The following MYBPC3 variants were observed in gnomAD, a reference collection of about 807,000 sequenced individuals.
The protein encoded by MYBPC3 is myosin-binding protein C, cardiac-type.
In MYBPC3, 108 loss-of-function variants were observed where a neutral mutation model predicts 159.3. That is an observed-to-expected ratio of 0.68 (90% confidence interval 0.58 to 0.80). The LOEUF (loss-of-function observed/expected upper bound fraction) is 0.80. MYBPC3 is among the 30% of genes least tolerant of loss of function. MYBPC3 has a pLI of 0.00. For synonymous variants in MYBPC3, 730 were observed against 702.0 expected (o/e 1.04, Z -0.63); for missense variants, 1,631 against 1,762.1 (o/e 0.93, Z 1.33).
Position 47,349,775 on chromosome 11 carries a change from T to A in MYBPC3, c.653A>T (p.Lys218Met), listed in dbSNP as rs730880707. 6.2e-7 allele frequency: 1 copy of A among 1,604,308 alleles called. No homozygotes were observed. Among genetic ancestry groups the A allele is most frequent in the East Asian group, 2.2e-5 (1 of 44,878 alleles). ...TCTCCACGACCCCGGTGGACCCACC[T>A]TGCTGGCGCGGTCGTAGCTGTCGTG... Reference protein sequence around the residue: ...QLHDSYDRASKVYLFELHITD... With the variant: ...QLHDSYDRASMVYLFELHITD... Residue 218 changes from lysine (K) to methionine (M), a missense_variant and splice_region_variant, in exon 5 of 35, where the codon AAG becomes ATG. Lys to Met is a moderately conservative substitution (Grantham distance 95). Transcript: ENST00000545968.
chr11:47,331,784 C>G, intron 34 of MYBPC3, 61 bp downstream of exon 34: 1 of 1,527,596 alleles, frequency 6.5e-7, no homozygotes, highest in Non-Finnish European at 8.9e-7. Flanking sequence ...GATGGCTGCC[C>G]CAGGACCAAG....
Position 47,351,655 on chromosome 11 carries a change from G to T in MYBPC3, c.26-150C>A. 1 of 1,009,932 alleles carries T rather than the reference G, an allele frequency of 9.9e-7. No homozygotes were observed. The highest frequency in any genetic ancestry group is 1.4e-6 in the Non-Finnish European group (1 of 731,434). 62.6% of individuals were successfully genotyped at this position (1,009,932 alleles called of 1,614,324 possible). Reference sequence around the variant, plus strand: ...TCTCTGAGGTAGTTGCAGTTATTCTGTTCATTTCTCAGAGGAGGACACTGA... The same window carrying T: ...TCTCTGAGGTAGTTGCAGTTATTCTTTTCATTTCTCAGAGGAGGACACTGA... On this transcript the variant is annotated intron_variant, in intron 1 of 34. Coordinates refer to ENST00000545968, the MANE Select transcript of MYBPC3 (RefSeq NM_000256.3). The surrounding 1 kb of genome is among the most constrained non-coding windows in gnomAD (Gnocchi z 4.2).
At chr11:47,350,748 G>T (rs1674189603) in intron 2 of MYBPC3, 133 bp from the exon 3 acceptor site, 4 of 1,329,256 alleles carry the variant, frequency 3.0e-6, no homozygotes, top group African/African-American at 3.1e-5. Flanking sequence ...CCCGCTGCCT[G>T]GGCCCCTCAG....
Position 47,346,074 on chromosome 11 carries a change from G to A in MYBPC3, c.1090+133C>T. On this transcript the variant is annotated intron_variant, in intron 12 of 34. Coordinates refer to ENST00000545968, the MANE Select transcript of MYBPC3 (RefSeq NM_000256.3). The surrounding 1 kb of genome is among the most constrained non-coding windows in gnomAD (Gnocchi z 5.3). ...GCCGGACTCCGCTCTTTCCATGTAT[G>A]TGGACGAGGTGGGGGGCTAACCTGT... The A allele has an allele frequency of 2.4e-6, 3 of 1,256,160 alleles. No individual in the cohort carries two copies. Among genetic ancestry groups the A allele is most frequent in the Non-Finnish European group, 3.3e-6 (3 of 921,348 alleles). The allele number at this position is 1,256,160 out of a possible 1,614,324, so 77.8% of individuals were successfully genotyped here.
chr11:47,348,902 C>A (rs1322333914), intron 5 of MYBPC3, among the ~76,000 whole-genome samples: 1 of 3,588 alleles, frequency 2.8e-4, no homozygotes, highest in Non-Finnish European at 7.6e-4. Flanking sequence ...GAGACCCTGT[C>A]TCAAATTATA....
At chr11:47,348,988 C>T (rs1165801124) in intron 5 of MYBPC3, among the ~76,000 whole-genome samples, 1 of 144,664 alleles carries the variant, frequency 6.9e-6, no homozygotes, top group African/African-American at 2.5e-5. Context: ...CTTTAGTTAA[C>T]CCATACAGAG....
Position 47,339,793 on chromosome 11 carries a change from G to A in MYBPC3, c.1928-3C>T, listed in dbSNP as rs1415195455. The A allele has an allele frequency of 1.2e-6, 2 of 1,612,972 alleles. No individual in the cohort carries two copies. The highest frequency in any genetic ancestry group is 1.6e-4 in the Middle Eastern group (1 of 6,078). On this transcript the variant is annotated splice_region_variant and splice_polypyrimidine_tract_variant and intron_variant, in intron 20 of 34. Transcript: ENST00000545968. Reference sequence around the variant, plus strand: ...GTCCAGGTGGATCTTGGGAGGTTCTGCAGAAGACACAATGTAGTTCAGAGA... The same window carrying A: ...GTCCAGGTGGATCTTGGGAGGTTCTACAGAAGACACAATGTAGTTCAGAGA...
chr11:47,332,058 CG>C lies in MYBPC3; in HGVS notation c.3814+13del. 3.7e-6 allele frequency: 6 copies of C among 1,605,704 alleles called. No individual in the cohort carries two copies. The highest frequency in any genetic ancestry group is 5.1e-6 in the Non-Finnish European group (6 of 1,174,614). On this transcript the variant is annotated intron_variant, in intron 33 of 34. Transcript: ENST00000545968. The surrounding 1 kb of genome is among the most constrained non-coding windows in gnomAD (Gnocchi z 4.2). ...CTTCCCATCTCCCAGGCCCTGGCCCCGAGGGCTCCTCACCTCGCACCTCCAG... is the reference window on the plus strand; with the variant it reads ...CTTCCCATCTCCCAGGCCCTGGCCCCAGGGCTCCTCACCTCGCACCTCCAG...
chr11:47,345,619 G>A (rs927368490), intron 12 of MYBPC3, among the ~76,000 whole-genome samples: 6 of 152,146 alleles, frequency 3.9e-5, no homozygotes, highest in Non-Finnish European at 5.9e-5. Flanking sequence ...GCTCACACCC[G>A]CCCTTGTCAA....
At chr11:47,331,766 C>T in intron 34 of MYBPC3, 50 bp from the exon 35 acceptor site, 1 of 1,433,454 alleles carries the variant, frequency 7.0e-7, no homozygotes, top group Non-Finnish European at 9.5e-7. Context: ...TACAGCCTCC[C>T]ATTTACTGAT....
chr11:47,346,972 C>G lies in MYBPC3; in HGVS notation c.908+55G>C, dbSNP rs1480339036. On this transcript the variant is annotated intron_variant, in intron 10 of 34. Coordinates refer to ENST00000545968, the MANE Select transcript of MYBPC3 (RefSeq NM_000256.3). The surrounding 1 kb of genome is among the most constrained non-coding windows in gnomAD (Gnocchi z 5.3). ...CCTCTCAGAGAGGGGACGGGAATCC[C>G]CTCTGCACCCACCAGCGCCCTGCCG... 2 of 769,476 alleles carry G rather than the reference C, an allele frequency of 2.6e-6. No individual in the cohort carries two copies. The highest frequency in any genetic ancestry group is 3.4e-5 in the African/African-American group (2 of 59,154). 47.7% of individuals were successfully genotyped at this position (769,476 alleles called of 1,614,324 possible).
chr11:47,339,012 A>G (rs921033693), intron 22 of MYBPC3, among the ~76,000 whole-genome samples: 1 of 152,206 alleles, frequency 6.6e-6, no homozygotes, highest in African/African-American at 2.4e-5. Context: ...TGTCTCAGAA[A>G]CTACTCCTGA....
intron 23 of MYBPC3, among the ~76,000 whole-genome samples, 165 bp from the exon 24 acceptor site, chr11:47,337,959 T>TC (rs1211457640): frequency 6.7e-6 from 1 of 149,244 alleles, no homozygotes; most frequent in Non-Finnish European, 1.5e-5. Context: ...TTCCTTTTTT[T>TC]TTTTTTTTTT....
rs1187832530 is a variant in MYBPC3, at chr11:47,351,002, GT to G, written c.292+236del. On this transcript the variant is annotated intron_variant, in intron 2 of 34. Transcript: ENST00000545968. The surrounding 1 kb of genome is among the most constrained non-coding windows in gnomAD (Gnocchi z 4.2). ...AGGTCTGCAGGGGGAGAGTGGGGTT[GT>G]GTCTTGTTCATCTCTCCCACCTACC... Among the ~76,000 whole-genome samples, 1 of 152,186 alleles carries G rather than the reference GT, an allele frequency of 6.6e-6. No homozygotes were observed. The highest frequency in any genetic ancestry group is 1.9e-4 in the East Asian group (1 of 5,194).
chr11:47,339,372 A>G lies in MYBPC3; in HGVS notation c.2100T>C (p.Asp700=), dbSNP rs1565626238. 1.9e-6 allele frequency: 3 copies of G among 1,613,906 alleles called. No individual in the cohort carries two copies. The highest frequency in any genetic ancestry group is 2.7e-5 in the African/African-American group (2 of 74,942). ...CGCTGTCACCTGTGTCCTCTGGGGC[A>G]TCTGGGGCTGGCCTGGCTGGGGCCT... ...GNKAPARPAP[D]APEDTGDSDE... Residue 700 remains aspartate, a synonymous_variant, in exon 22 of 35, where the codon GAT becomes GAC. Transcript: ENST00000545968.
chr11:47,348,347 T>C, intron 6 of MYBPC3, 77 bp downstream of exon 6: 1 of 1,069,056 alleles, frequency 9.4e-7, no homozygotes. Context: ...GCATCCTCCT[T>C]AGTGTTGGGA....
chr11:47,331,855 CCAGGAGCCAGCCT>C lies in MYBPC3; in HGVS notation c.*3_*15del, dbSNP rs2095876441. 1 of 1,608,220 alleles carries C rather than the reference CCAGGAGCCAGCCT, an allele frequency of 6.2e-7. No individual in the cohort carries two copies. The highest frequency in any genetic ancestry group is 8.5e-7 in the Non-Finnish European group (1 of 1,177,708). On this transcript the variant is annotated 3_prime_UTR_variant, in exon 34 of 35. Coordinates refer to ENST00000545968, the MANE Select transcript of MYBPC3 (RefSeq NM_000256.3). ...TCGGGTGGTACATACCTGGCCATCCCCAGGAGCCAGCCTGGTCACTGAGGCACTGCAGAAGAGG... is the reference window on the plus strand; with the variant it reads ...TCGGGTGGTACATACCTGGCCATCCCGGTCACTGAGGCACTGCAGAAGAGG...
chr11:47,335,146 A>G lies in MYBPC3; in HGVS notation c.2801T>C (p.Leu934Pro), dbSNP rs1165741876. 5 of 1,612,772 alleles carry G rather than the reference A, an allele frequency of 3.1e-6. No homozygotes were observed. Among genetic ancestry groups the G allele is most frequent in the Non-Finnish European group, 4.2e-6 (5 of 1,179,380 alleles). ...GAAAAGCAGCCGGGCCCCCGTGGGC[A>G]GGTCCTTCACCAGTATCGATGTGTG... The part of the protein sequence containing the change: ...TEHTSILVKD[L>P]PTGARLLFRV... The change falls in exon 27 of 35, where the codon CTG becomes CCG. Residue 934 changes from leucine (L) to proline (P), a missense_variant. Physicochemically the swap from Leu to Pro is moderately conservative, Grantham distance 98. Transcript: ENST00000545968.
At chr11:47,349,980 C>T in intron 4 of MYBPC3, 34 bp downstream of exon 4, 4 of 1,561,804 alleles carry the variant, frequency 2.6e-6, no homozygotes, top group Non-Finnish European at 3.5e-6. Context: ...CCCCCCTTCC[C>T]ACCCCAATGC....
Sources: allele counts gnomAD v4.1 joint callset (sites outside exome capture counted in the v4.1 genomes callset), GRCh38; gene constraint gnomAD v4.1.1; non-coding constraint Gnocchi (gnomAD v3.1); transcripts MANE v1.5; gene names NCBI Gene and HGNC (gene_info 2026-07-23, HGNC 2026-07-21).